Variants in PRUNE2 observed in about 807,000 individuals in gnomAD.
The protein encoded by PRUNE2 is prune homolog 2 with BCH domain, also known as protein prune homolog 2.
A neutral mutation model predicts 252.0 loss-of-function variants in PRUNE2; 164 were observed. That is an observed-to-expected ratio of 0.65 (90% confidence interval 0.57 to 0.74). PRUNE2 has a LOEUF of 0.74. Ranked by LOEUF, PRUNE2 falls within the 30% of genes least tolerant of loss-of-function variation. The pLI is 0.00. For missense variants in PRUNE2, 3,495 were observed against 3,711.0 expected, an observed-to-expected ratio of 0.94 and a Z score of 1.51; for synonymous variants, 1,292 against 1,350.2, an observed-to-expected ratio of 0.96 and a Z score of 0.94.
intron 6 of PRUNE2, among the ~76,000 whole-genome samples, chr9:76,752,386 C>T (rs916324259): frequency 6.6e-6 from 1 of 152,246 alleles, no homozygotes; most frequent in South Asian, 2.1e-4. Context: ...CGTGAGCCAC[C>T]GCGCCCGGCA....
intron 6 of PRUNE2, among the ~76,000 whole-genome samples, chr9:76,755,780 G>A (rs1337620558): frequency 6.6e-6 from 1 of 152,126 alleles, no homozygotes; most frequent in African/African-American, 2.4e-5. Context: ...TCGGCTCACT[G>A]CAGGTCGACT....
At chr9:76,738,073 GT>G (rs1288792602) in intron 6 of PRUNE2, 7 of 151,554 alleles carry the variant, frequency 4.6e-5, no homozygotes, top group African/African-American at 1.7e-4. Context: ...GTTTCAAAGT[GT>G]TTTTTTTCTG....
At chr9:76,792,380 T>C (rs929009823) in intron 6 of PRUNE2, among the ~76,000 whole-genome samples, 3 of 152,160 alleles carry the variant, frequency 2.0e-5, no homozygotes, top group African/African-American at 7.2e-5. Context: ...CTTTCTTTTA[T>C]AAACTACCCA....
chr9:76,657,559 A>G (rs568447128), intron 9 of PRUNE2, among the ~76,000 whole-genome samples: 2 of 152,366 alleles, frequency 1.3e-5, no homozygotes, highest in South Asian at 2.1e-4. Context: ...TTCTGCTGCC[A>G]GTATCAACAA....
rs546334818 is a variant in PRUNE2 at position 76,833,668 on chromosome 9, G to A, written c.509-6936C>T. ...TAGTCCCAGCTACTTGGGAGGCTGA[G>A]GCAGGAGAATGGGGTGAACCCGGGA... On this transcript the variant is annotated intron_variant, in intron 4 of 18. Transcript: ENST00000376718. Among the ~76,000 whole-genome samples, 14 of 151,902 alleles carry A rather than the reference G, an allele frequency of 9.2e-5. No individual in the cohort carries two copies. In the East Asian group the frequency reaches 2.6e-3, roughly 28 times the overall value.
At chr9:76,868,837 T>TGGGGGG (rs111357062) in intron 1 of PRUNE2, 38 of 77,178 alleles carry the variant, frequency 4.9e-4, no homozygotes, top group South Asian at 1.2e-3. Context: ...CCTTGGGGGG[T>TGGGGGG]GGGGGGGGGG....
chr9:76,854,315 G>A (rs2060123965), intron 1 of PRUNE2, 107 bp from the exon 2 acceptor site: 1 of 491,926 alleles, frequency 2.0e-6, no homozygotes, highest in East Asian at 3.1e-5. Flanking sequence ...GATACACAAT[G>A]GCAGAGAATC....
At chr9:76,863,376 T>TGGACA (rs2060659732) in intron 1 of PRUNE2, 1 of 151,840 alleles carries the variant, frequency 6.6e-6, no homozygotes, top group African/African-American at 2.4e-5. Flanking sequence ...TAGATCACTT[T>TGGACA]TATATATGGA....
chr9:76,886,371 T>C (rs1260284909), intron 1 of PRUNE2, among the ~76,000 whole-genome samples: 3 of 152,138 alleles, frequency 2.0e-5, no homozygotes, highest in Non-Finnish European at 1.5e-5. Flanking sequence ...TTCTTTTCCT[T>C]TCACCTTAAG....
chr9:76,903,455 C>T (rs1486487769), intron 1 of PRUNE2, among the ~76,000 whole-genome samples: 5 of 151,444 alleles, frequency 3.3e-5, no homozygotes, highest in African/African-American at 1.2e-4. Context: ...TAAAGAAAAA[C>T]ATTTAAAACA....
intron 9 of PRUNE2, among the ~76,000 whole-genome samples, chr9:76,667,185 C>T (rs778542261): frequency 9.8e-5 from 15 of 152,346 alleles, no homozygotes; most frequent in Admixed American, 4.6e-4. Context: ...AATTAGGCAA[C>T]GGTCACTCTC....
intron 6 of PRUNE2, among the ~76,000 whole-genome samples, chr9:76,747,484 G>C (rs1255484604): frequency 2.0e-5 from 3 of 151,990 alleles, no homozygotes; most frequent in Non-Finnish European, 4.4e-5. Context: ...AATTTTGTAA[G>C]TGAGGAGACT....
chr9:76,807,109 G>T (rs1000119168), intron 6 of PRUNE2, among the ~76,000 whole-genome samples: 12 of 151,358 alleles, frequency 7.9e-5, no homozygotes, highest in Admixed American at 3.9e-4. Context: ...TGTTGCCCAG[G>T]GTGGAGTGCT....
chr9:76,685,048 G>A (rs114458996), intron 9 of PRUNE2, among the ~76,000 whole-genome samples: 1,905 of 152,108 alleles, frequency 0.013, 41 homozygotes, highest in African/African-American at 0.042. Context: ...CACCGCGCCC[G>A]GCCACTTCTG....
intron 9 of PRUNE2, among the ~76,000 whole-genome samples, chr9:76,703,052 C>T (rs2046018920): frequency 6.6e-6 from 1 of 152,030 alleles, no homozygotes. Context: ...TCCCAACTGC[C>T]TGTTGAAGAG....
At chr9:76,627,127 G>A (rs549649615) in intron 16 of PRUNE2, among the ~76,000 whole-genome samples, 8 of 150,888 alleles carry the variant, frequency 5.3e-5, no homozygotes, top group Non-Finnish European at 8.9e-5. Context: ...TTGAGACAGC[G>A]TCTCACTCTG....
Position 76,619,362 on chromosome 9 carries a change from C to G in PRUNE2, c.9214G>C (p.Glu3072Gln). 1 of 1,606,874 alleles carries G rather than the reference C, an allele frequency of 6.2e-7. No homozygotes were observed. ...AKTSCLYNDP[E>Q]MSSMEKDIDL... is the part of the protein sequence containing the mutation. Reference sequence around the variant, plus strand: ...TACTCCTTCTCCATAGAAGACATTTCTGGATCATTGTAAAGGCAGCTAGTT... The same window carrying G: ...TACTCCTTCTCCATAGAAGACATTTGTGGATCATTGTAAAGGCAGCTAGTT... The change falls in exon 18 of 19, where the codon GAA becomes CAA. Residue 3072 changes from glutamate (E) to glutamine (Q), a missense_variant. Physicochemically the swap from Glu to Gln is conservative, Grantham distance 29. Coordinates refer to ENST00000376718, the MANE Select transcript of PRUNE2 (RefSeq NM_015225.3).
chr9:76,729,652 A>G (rs1422479241), intron 6 of PRUNE2, among the ~76,000 whole-genome samples: 1 of 152,172 alleles, frequency 6.6e-6, no homozygotes, highest in Non-Finnish European at 1.5e-5. Flanking sequence ...GTTAAAAAGA[A>G]ATGTTTTATT....
chr9:76,661,625 A>G lies in PRUNE2; in HGVS notation c.8277-6123T>C, dbSNP rs79838338. 2.4e-3 allele frequency among the ~76,000 whole-genome samples: 358 copies of G among 152,324 alleles called. 7 individuals are homozygous for G. In the East Asian group the frequency reaches 0.028, roughly 12 times the overall value. ...AAAGAAAGTTATTATTTAGTGATAC[A>G]AGGAATAATTCTTCAGAAGATGTAA... On this transcript the variant is annotated intron_variant, in intron 9 of 18. Coordinates refer to ENST00000376718, the MANE Select transcript of PRUNE2 (RefSeq NM_015225.3).
Sources: gnomAD v4.1 joint callset for allele counts (sites outside exome capture counted in the v4.1 genomes callset) on GRCh38, gnomAD v4.1.1 for gene constraint, MANE v1.5 for transcripts, NCBI Gene and HGNC (gene_info 2026-07-23, HGNC 2026-07-21) for gene names.